STX8: variants seen among roughly 807,000 people sequenced by gnomAD.
STX8 encodes syntaxin 8.
In STX8, 23 loss-of-function variants were observed where a neutral mutation model predicts 37.5. The ratio of observed to expected loss-of-function variants is 0.61; its 90% CI spans 0.44 to 0.87. The LOEUF is 0.87. Among genes scored for constraint, STX8 ranks in the 40% least tolerant of loss-of-function variants. STX8 has a pLI of 0.00. For synonymous variants in STX8, 115 were observed against 99.1 expected, an observed-to-expected ratio of 1.16 and a Z score of -0.95; for missense variants, 313 against 284.7, an observed-to-expected ratio of 1.10 and a Z score of -0.71.
intron 7 of STX8, among the ~76,000 whole-genome samples, chr17:9,357,111 G>A (rs1232100953): frequency 6.6e-6 from 1 of 151,836 alleles, no homozygotes; most frequent in African/African-American, 2.4e-5. Context: ...GGGATTACAG[G>A]CATGTGCCAC....
At chr17:9,345,848 C>CTTTTTTTTTTTTTTTTTTTTTTTTT (rs545020159) in intron 7 of STX8, among the ~76,000 whole-genome samples, 2 of 52,078 alleles carry the variant, frequency 3.8e-5, no homozygotes, top group Non-Finnish European at 6.9e-5. Context: ...TTATGCATTC[C>CTTTTTTTTTTTTTTTTTTTTTTTTT]TTTTTTTTTT....
intron 6 of STX8, among the ~76,000 whole-genome samples, chr17:9,402,122 A>C (rs536092338): frequency 1.4e-5 from 2 of 147,140 alleles, no homozygotes; most frequent in East Asian, 4.1e-4. Flanking sequence ...TTATTTATTT[A>C]TTATTATTTG....
chr17:9,573,080 A>ACCCCCCCCC (rs71135994), intron 1 of STX8, among the ~76,000 whole-genome samples: 96 of 101,548 alleles, frequency 9.5e-4, no homozygotes, highest in African/African-American at 2.1e-3. Flanking sequence ...CACCCCCAAC[A>ACCCCCCCCC]CCCCCCCCCA....
At chr17:9,437,475 T>C (rs987945954) in intron 6 of STX8, among the ~76,000 whole-genome samples, 4 of 152,220 alleles carry the variant, frequency 2.6e-5, no homozygotes, top group African/African-American at 9.6e-5. Context: ...GCAGGGATTA[T>C]CTTTTAACTG....
At chr17:9,395,327 C>T (rs192761811) in intron 6 of STX8, among the ~76,000 whole-genome samples, 261 of 152,170 alleles carry the variant, frequency 1.7e-3, no homozygotes, top group Middle Eastern at 3.4e-3. Context: ...GGCAGCTGGA[C>T]GCAGTGGCTC....
chr17:9,297,198 G>A (rs978731790), intron 7 of STX8, among the ~76,000 whole-genome samples: 1 of 137,676 alleles, frequency 7.3e-6, no homozygotes, highest in African/African-American at 2.8e-5. Context: ...TTCAAACCTT[G>A]TATCATTTTG....
At chr17:9,324,765 CAA>C (rs534392223) in intron 7 of STX8, among the ~76,000 whole-genome samples, 45 of 45,934 alleles carry the variant, frequency 9.8e-4, no homozygotes, top group African/African-American at 2.8e-3. Context: ...AACTCCATCT[CAA>C]AAAAAAAAAA....
At chr17:9,491,790 G>A in intron 6 of STX8, 39 bp downstream of exon 6, 1 of 1,537,854 alleles carries the variant, frequency 6.5e-7, no homozygotes, top group Non-Finnish European at 9.0e-7. Context: ...TAGTATTTAT[G>A]TCAACGGCAA....
intron 2 of STX8, among the ~76,000 whole-genome samples, chr17:9,560,750 T>G (rs1164708552): frequency 3.3e-5 from 5 of 150,248 alleles, no homozygotes; most frequent in Non-Finnish European, 7.4e-5. Context: ...CAGTTTGGTT[T>G]TTTTTTTTTT....
At chr17:9,371,360 A>G (rs2142273132) in intron 7 of STX8, among the ~76,000 whole-genome samples, 1 of 152,336 alleles carries the variant, frequency 6.6e-6, no homozygotes, top group African/African-American at 2.4e-5. Context: ...GTGAATGGTA[A>G]TTGAGTTACA....
chr17:9,301,924 A>G (rs1402197057), intron 7 of STX8, among the ~76,000 whole-genome samples: 1 of 152,242 alleles, frequency 6.6e-6, no homozygotes, highest in Non-Finnish European at 1.5e-5. Context: ...GGGTATGGTT[A>G]TTAGAGTTAT....
At chr17:9,411,839 C>CT (rs1480555213) in intron 6 of STX8, among the ~76,000 whole-genome samples, 1 of 152,032 alleles carries the variant, frequency 6.6e-6, no homozygotes. Context: ...TAGAAGCAAC[C>CT]TAATATATAG....
chr17:9,557,665 G>A (rs1907034326), intron 2 of STX8, 137 bp from the exon 3 acceptor site: 2 of 712,810 alleles, frequency 2.8e-6, no homozygotes, highest in Admixed American at 4.5e-5. Flanking sequence ...AGCCCCTCAC[G>A]ACAAACTCAG....
At chr17:9,481,480 G>A (rs113585753) in intron 6 of STX8, among the ~76,000 whole-genome samples, 13 of 152,120 alleles carry the variant, frequency 8.5e-5, no homozygotes, top group Non-Finnish European at 1.5e-4. Context: ...TAGCCATTAC[G>A]TTACACAGCT....
intron 6 of STX8, among the ~76,000 whole-genome samples, chr17:9,379,009 C>A (rs1911699018): frequency 1.3e-5 from 2 of 152,068 alleles, no homozygotes; most frequent in Admixed American, 6.6e-5. Context: ...CTTTGGAAGG[C>A]TGAGGAGGGA....
chr17:9,498,397 A>C (rs1479736918), intron 5 of STX8, among the ~76,000 whole-genome samples: 1 of 151,048 alleles, frequency 6.6e-6, no homozygotes, highest in East Asian at 1.9e-4. Context: ...CTCAAAAAAA[A>C]AAAACAAAAG....
intron 7 of STX8, among the ~76,000 whole-genome samples, chr17:9,340,976 A>G (rs965815824): frequency 4.1e-5 from 6 of 147,496 alleles, no homozygotes; most frequent in African/African-American, 1.5e-4. Flanking sequence ...TTTAAATTGT[A>G]AAATTTAAAT....
chr17:9,327,783 C>T (rs1272752057), intron 7 of STX8, among the ~76,000 whole-genome samples: 2 of 152,098 alleles, frequency 1.3e-5, no homozygotes, highest in Non-Finnish European at 2.9e-5. Context: ...CTGAGTGATC[C>T]CCCTGCCTCA....
intron 6 of STX8, among the ~76,000 whole-genome samples, chr17:9,422,122 G>C (rs886150131): frequency 2.1e-5 from 2 of 94,300 alleles, no homozygotes; most frequent in African/African-American, 9.6e-5. Flanking sequence ...TTTTTTTTTT[G>C]AGACAGAGTT....
Sources: allele counts gnomAD v4.1 joint callset (sites outside exome capture counted in the v4.1 genomes callset), GRCh38; gene constraint gnomAD v4.1.1; transcripts MANE v1.5; gene names NCBI Gene and HGNC (gene_info 2026-07-23, HGNC 2026-07-21).